Variants in DDAH1 observed in about 807,000 individuals in gnomAD.
DDAH1 encodes N(G),N(G)-dimethylarginine dimethylaminohydrolase 1.
DDAH1 carries 19 observed loss-of-function variants against 28.8 expected under a neutral mutation model. That is an observed-to-expected ratio of 0.66 (90% CI 0.46 to 0.97). DDAH1 has a LOEUF of 0.97. DDAH1 is among the 50% of genes least tolerant of loss of function. DDAH1 has a pLI of 0.00. For synonymous variants in DDAH1, 153 were observed against 154.4 expected (o/e 0.99, Z 0.07); for missense variants, 326 against 375.9 (o/e 0.87, Z 1.10).
intron 2 of DDAH1, among the ~76,000 whole-genome samples, chr1:85,479,095 G>C (rs1414289346): frequency 6.6e-6 from 1 of 151,456 alleles, no homozygotes; most frequent in African/African-American, 2.4e-5. Context: ...TAGCCCAAGA[G>C]GTAGTAGGTG....
At position 85,395,076 on chromosome 1, in the gene DDAH1, G is replaced by C. The variant is rs141045497; in HGVS notation, c.304-36229C>G. Among the ~76,000 whole-genome samples the C allele has an allele frequency of 4.9e-3, 752 of 152,100 alleles. 2 individuals carry two copies. The highest frequency in any genetic ancestry group is 0.017 in the African/African-American group (722 of 41,512). On this transcript the variant is annotated intron_variant, in intron 1 of 5. Transcript: ENST00000284031. The stretch of plus-strand genomic sequence containing the variant: ...ACCAAGAGAAAGTAAAATGTGTTTT[G>C]GGTGAAAAAAATTATAAAAAGTCAT...
chr1:85,332,891 A>G (rs1242126021), intron 4 of DDAH1, among the ~76,000 whole-genome samples: 1 of 152,058 alleles, frequency 6.6e-6, no homozygotes, highest in Non-Finnish European at 1.5e-5. Context: ...AGGATTGGGG[A>G]CTGGGCTGCC....
At chr1:85,545,832 C>T (rs1194811469) in intron 1 of DDAH1, among the ~76,000 whole-genome samples, 1 of 152,060 alleles carries the variant, frequency 6.6e-6, no homozygotes, top group Admixed American at 6.6e-5. Context: ...CATGTATTGC[C>T]TACTTCTTTC....
At chr1:85,324,225 G>A (rs555388089) in intron 5 of DDAH1, among the ~76,000 whole-genome samples, 2 of 150,404 alleles carry the variant, frequency 1.3e-5, no homozygotes, top group East Asian at 2.0e-4. Context: ...AGCCAAGATC[G>A]TGCCGCAGCA....
At chr1:85,361,940 C>T (rs1484832185) in intron 1 of DDAH1, among the ~76,000 whole-genome samples, 4 of 152,152 alleles carry the variant, frequency 2.6e-5, no homozygotes, top group African/African-American at 9.7e-5. Context: ...ACAGTATTTG[C>T]TGAATAAATA....
chr1:85,573,005 G>A (rs1659503567), intron 1 of DDAH1, among the ~76,000 whole-genome samples: 1 of 152,196 alleles, frequency 6.6e-6, no homozygotes, highest in African/African-American at 2.4e-5. Flanking sequence ...ATTCTCTAGA[G>A]AATAAGACTA....
At chr1:85,375,238 A>G (rs1283960745) in intron 1 of DDAH1, among the ~76,000 whole-genome samples, 3 of 152,166 alleles carry the variant, frequency 2.0e-5, no homozygotes, top group Non-Finnish European at 4.4e-5. Flanking sequence ...AAGTAACTTT[A>G]CAACTGCAAA....
At chr1:85,415,877 A>C (rs1485344656) in intron 1 of DDAH1, among the ~76,000 whole-genome samples, 2 of 152,174 alleles carry the variant, frequency 1.3e-5, no homozygotes, top group Non-Finnish European at 2.9e-5. Context: ...CAGTTGTTTT[A>C]AAACACTGTT....
chr1:85,395,895 T>C (rs968874948), intron 1 of DDAH1, among the ~76,000 whole-genome samples: 2 of 152,154 alleles, frequency 1.3e-5, no homozygotes, highest in African/African-American at 4.8e-5. Flanking sequence ...ACTGATCTTT[T>C]CTTATTAAAA....
At chr1:85,504,089 G>A (rs752480896) in intron 1 of DDAH1, among the ~76,000 whole-genome samples, 20 of 152,340 alleles carry the variant, frequency 1.3e-4, no homozygotes, top group East Asian at 3.9e-4. Context: ...TGGCTGCAGC[G>A]TAGGCTGCAT....
chr1:85,324,272 AAATAATAAT>A (rs71075831), intron 5 of DDAH1, among the ~76,000 whole-genome samples: 3 of 142,254 alleles, frequency 2.1e-5, no homozygotes, highest in East Asian at 2.0e-4. Flanking sequence ...CCTGTCTCAA[AAATAATAAT>A]AATAATAATA....
At chr1:85,466,455 GCTAGGCTGGT>G (rs1220756687), upstream of DDAH1, among the ~76,000 whole-genome samples, 24 of 152,274 alleles carry the variant, frequency 1.6e-4, no homozygotes, top group African/African-American at 5.8e-4. Context: ...CACCATGTTG[GCTAGGCTGGT>G]CTCGAACTCC....
At chr1:85,493,009 A>G (rs920773027) in intron 2 of DDAH1, among the ~76,000 whole-genome samples, 17 of 152,234 alleles carry the variant, frequency 1.1e-4, no homozygotes, top group African/African-American at 3.9e-4. Context: ...TGGGTCCTGG[A>G]AACTTTTGCC....
intron 1 of DDAH1, among the ~76,000 whole-genome samples, chr1:85,565,619 C>T (rs1303820604): frequency 6.6e-6 from 1 of 151,800 alleles, no homozygotes; most frequent in Non-Finnish European, 1.5e-5. Flanking sequence ...TATTCAAAAG[C>T]TAAAAGAATC....
At chr1:85,496,547 A>G (rs1337765263) in intron 1 of DDAH1, among the ~76,000 whole-genome samples, 1 of 152,210 alleles carries the variant, frequency 6.6e-6, no homozygotes. Context: ...TAGAGTCGGT[A>G]TTTTCCTTGA....
rs115563855 is a variant in DDAH1 at position 85,432,543 on chromosome 1, G to A, written c.303+32200C>T. 9.1e-3 allele frequency among the ~76,000 whole-genome samples: 1,380 copies of A among 152,048 alleles called. 21 individuals carry two copies. The highest frequency in any genetic ancestry group is 0.032 in the African/African-American group (1,323 of 41,468). On this transcript the variant is annotated intron_variant, in intron 1 of 5. Transcript: ENST00000284031. ...TCAGCTTTTTTCAGTAGATTCCATC[G>A]TGCCTGGAATGATGAAAGAACACCA...
At chr1:85,504,188 C>A (rs1656926400) in intron 1 of DDAH1, among the ~76,000 whole-genome samples, 1 of 152,154 alleles carries the variant, frequency 6.6e-6, no homozygotes, top group Admixed American at 6.5e-5. Flanking sequence ...CTCTATAACT[C>A]CACGAAATAA....
At chr1:85,564,086 C>T (rs914915617) in intron 1 of DDAH1, among the ~76,000 whole-genome samples, 39 of 152,120 alleles carry the variant, frequency 2.6e-4, no homozygotes, top group Non-Finnish European at 5.1e-4. Flanking sequence ...GCAGGGGAAC[C>T]GCTTGAACCC....
chr1:85,537,914 C>T (rs1489357949), intron 1 of DDAH1, among the ~76,000 whole-genome samples: 1 of 151,858 alleles, frequency 6.6e-6, no homozygotes, highest in South Asian at 2.1e-4. Context: ...ACCCACTAAG[C>T]AGATAAGTGT....
Sources: allele counts gnomAD v4.1 joint callset (sites outside exome capture counted in the v4.1 genomes callset), GRCh38; gene constraint gnomAD v4.1.1; transcripts MANE v1.5; gene names NCBI Gene and HGNC (gene_info 2026-07-23, HGNC 2026-07-21).